The following LMO7 variants were observed in gnomAD, a reference collection of about 807,000 sequenced individuals.
LMO7 encodes the protein LIM domain only protein 7.
Under a neutral mutation model 206.5 loss-of-function variants are expected in LMO7, and 120 were observed. That is an observed-to-expected ratio of 0.58 (90% confidence interval 0.50 to 0.68). LMO7 has a LOEUF of 0.68. LMO7 is among the 30% of genes least tolerant of loss of function. LMO7 has a pLI of 0.00. For missense variants in LMO7, 1,959 were observed against 1,957.9 expected (o/e 1.00, Z -0.01); for synonymous variants, 706 against 681.5 (o/e 1.04, Z -0.56).
At chr13:75,781,776 C>T (rs1482391821) in intron 4 of LMO7, among the ~76,000 whole-genome samples, 1 of 152,140 alleles carries the variant, frequency 6.6e-6, no homozygotes, top group Non-Finnish European at 1.5e-5. Context: ...TCTCCACATC[C>T]TCTCCAGCAC....
chr13:75,781,021 T>TA (rs755274927), intron 4 of LMO7, among the ~76,000 whole-genome samples: 4 of 150,194 alleles, frequency 2.7e-5, no homozygotes, highest in East Asian at 4.0e-4. Context: ...ACCTGTACTT[T>TA]AAAAAATACA....
At chr13:75,664,478 T>C (rs569959359) in intron 1 of LMO7, among the ~76,000 whole-genome samples, 1 of 152,294 alleles carries the variant, frequency 6.6e-6, no homozygotes, top group East Asian at 1.9e-4. Context: ...AATAGTGCTG[T>C]GCTAAATATG....
At chr13:75,683,573 T>C (rs762926768) in intron 1 of LMO7, among the ~76,000 whole-genome samples, 4 of 152,214 alleles carry the variant, frequency 2.6e-5, no homozygotes, top group Non-Finnish European at 5.9e-5. Flanking sequence ...GGGCAATATC[T>C]TAAGTATATA....
intron 1 of LMO7, among the ~76,000 whole-genome samples, chr13:75,659,381 T>G (rs1466723296): frequency 2.0e-5 from 3 of 152,196 alleles, no homozygotes; most frequent in African/African-American, 7.2e-5. Context: ...TATTAGTCTA[T>G]TTTCATGCTG....
rs1410298665 is a variant in LMO7 at position 75,849,302 on chromosome 13, A to G, written c.4364+10A>G. Reference sequence around the variant, plus strand: ...CTGGGATCATGAGAAGGTGCGAGACATCTTAGGAATTGGTTTCTTGTCTTT... The same window carrying G: ...CTGGGATCATGAGAAGGTGCGAGACGTCTTAGGAATTGGTTTCTTGTCTTT... On this transcript the variant is annotated intron_variant, in intron 27 of 30. Transcript: ENST00000377534. 6 of 1,603,758 alleles carry G rather than the reference A, an allele frequency of 3.7e-6. No individual in the cohort carries two copies. Among genetic ancestry groups the G allele is most frequent in the Non-Finnish European group, 5.1e-6 (6 of 1,170,710 alleles).
At chr13:75,668,206 T>A (rs2039243924) in intron 1 of LMO7, among the ~76,000 whole-genome samples, 1 of 152,132 alleles carries the variant, frequency 6.6e-6, no homozygotes, top group Non-Finnish European at 1.5e-5. Context: ...AGACTCTGTC[T>A]CGAAAAAGAA....
intron 1 of LMO7, among the ~76,000 whole-genome samples, chr13:75,695,321 T>C (rs2041819657): frequency 6.6e-6 from 1 of 152,216 alleles, no homozygotes; most frequent in Admixed American, 6.5e-5. Flanking sequence ...ACATTTTCTG[T>C]GTCAGGATTT....
chr13:75,768,692 T>C (rs1419711454), intron 4 of LMO7, among the ~76,000 whole-genome samples: 2 of 152,106 alleles, frequency 1.3e-5, no homozygotes, highest in African/African-American at 4.8e-5. Context: ...AAAAGTGTCA[T>C]TTTGGTCATA....
intron 16 of LMO7, 63 bp downstream of exon 16, chr13:75,833,228 G>A (rs904434516): frequency 1.0e-6 from 1 of 971,796 alleles, no homozygotes; most frequent in Non-Finnish European, 1.7e-6. Context: ...TTGTGGGGTT[G>A]GGGACCACAG....
In LMO7 at chr13:75,841,671, G is replaced by A. The variant is rs772131674; in HGVS notation, c.3719G>A (p.Arg1240Gln). The change falls in exon 24 of 31, where the codon CGG (arginine) becomes CAG (glutamine). Residue 1240 changes from arginine to glutamine, a missense_variant. Arg to Gln is a conservative substitution (Grantham distance 43, BLOSUM62 1). Coordinates refer to ENST00000377534, the MANE Select transcript of LMO7 (RefSeq NM_001306080.2). The stretch of plus-strand genomic sequence containing the variant: ...TCAAACAGCATGTCTCTGACCACAC[G>A]GGAGCCCTCTCTTGCCACCTGGGAA... ...LSSNSMSLTT[R>Q]EPSLATWEAT... The A allele has an allele frequency of 6.7e-5, 108 of 1,613,936 alleles. No individual in the cohort carries two copies. The highest frequency in any genetic ancestry group is 8.8e-5 in the Non-Finnish European group (104 of 1,179,996).
At position 75,763,557 on chromosome 13, in the gene LMO7, A is replaced by G. The variant is rs189334454; in HGVS notation, c.317+2519A>G. 6.6e-5 allele frequency among the ~76,000 whole-genome samples: 10 copies of G among 152,294 alleles called. No homozygotes were observed. The East Asian group carries it at 1.9e-3, about 29-fold the overall frequency. ...TAATATGTGTGAGTACTTTGAAATT[A>G]TTTTGCATATCTGTATGCATTAAAT... On this transcript the variant is annotated intron_variant, in intron 4 of 30. Transcript: ENST00000377534.
chr13:75,768,948 T>C lies in LMO7; in HGVS notation c.317+7910T>C, dbSNP rs77197463. Among the ~76,000 whole-genome samples the C allele has an allele frequency of 5.1e-3, 773 of 152,122 alleles. 14 individuals are homozygous for C. The highest frequency in any genetic ancestry group is 0.034 in the Admixed American group (524 of 15,232). The stretch of plus-strand genomic sequence containing the variant: ...TTGATTATGTTATTTGAAATATTTG[T>C]TTTTTTACCTTAGGCATTAAAAAAT... On this transcript the variant is annotated intron_variant, in intron 4 of 30. Coordinates refer to ENST00000377534, the MANE Select transcript of LMO7 (RefSeq NM_001306080.2).
At chr13:75,848,363 A>G (rs191104049) in intron 26 of LMO7, among the ~76,000 whole-genome samples, 14 of 152,068 alleles carry the variant, frequency 9.2e-5, no homozygotes, top group East Asian at 1.9e-4. Flanking sequence ...ATTGTCTCCA[A>G]TCTCATCCAG....
intron 1 of LMO7, among the ~76,000 whole-genome samples, chr13:75,687,371 G>A (rs1002649708): frequency 6.6e-6 from 1 of 152,132 alleles, no homozygotes; most frequent in African/African-American, 2.4e-5. Flanking sequence ...CCACCAGAGG[G>A]TAGTATTTAT....
chr13:75,684,547 C>CTT lies in LMO7; in HGVS notation c.70-28617_70-28616dup, dbSNP rs374482530. ...GGCGTGAGCCACTGCGCCCGGCCGG[C>CTT]TTTTTTTTTTTTTTTTTTTAAACAA... On this transcript the variant is annotated intron_variant, in intron 1 of 30. Coordinates refer to ENST00000377534, the MANE Select transcript of LMO7 (RefSeq NM_001306080.2). Among the ~76,000 whole-genome samples, 482 of 128,870 alleles carry CTT rather than the reference C, an allele frequency of 3.7e-3. 4 individuals carry two copies. The highest frequency in any genetic ancestry group is 9.5e-3 in the African/African-American group (327 of 34,476). 84.5% of individuals were successfully genotyped at this position (128,870 alleles called of 152,430 possible). A position where few individuals can be genotyped will look rare whatever the true frequency, so the allele number is the denominator to read the frequency against.
intron 3 of LMO7, among the ~76,000 whole-genome samples, chr13:75,730,335 C>A (rs544284457): frequency 6.6e-6 from 1 of 152,332 alleles, no homozygotes; most frequent in East Asian, 1.9e-4. Context: ...AGAGATTCAA[C>A]TTCTTCCTGG....
intron 11 of LMO7, among the ~76,000 whole-genome samples, chr13:75,809,926 G>C (rs1459228315): frequency 1.3e-5 from 2 of 148,868 alleles, no homozygotes; most frequent in African/African-American, 5.0e-5. Context: ...CCACCTCCCA[G>C]GTTCAAGCAA....
upstream of LMO7, among the ~76,000 whole-genome samples, chr13:75,633,127 C>T (rs372933238): frequency 4.7e-4 from 72 of 151,988 alleles, 1 homozygote; most frequent in African/African-American, 1.3e-3. Context: ...CCTCCCAAAG[C>T]GCTGGGATTA....
chr13:75,686,589 G>A (rs973665288), intron 1 of LMO7, among the ~76,000 whole-genome samples: 2 of 150,000 alleles, frequency 1.3e-5, no homozygotes, highest in South Asian at 4.2e-4. Flanking sequence ...GGCTTTATGG[G>A]AGAGGATTTT....
Sources: allele counts gnomAD v4.1 joint callset (sites outside exome capture counted in the v4.1 genomes callset), GRCh38; gene constraint gnomAD v4.1.1; transcripts MANE v1.5; gene names NCBI Gene and HGNC (gene_info 2026-07-23, HGNC 2026-07-21).